Variants in LRP1B observed in about 807,000 individuals in gnomAD.
The protein encoded by LRP1B is low-density lipoprotein receptor-related protein 1B.
A neutral mutation model predicts 556.6 loss-of-function variants in LRP1B; 217 were observed. The observed-to-expected ratio is 0.39, with a 90% CI of 0.35 to 0.44. The LOEUF (loss-of-function observed/expected upper bound fraction) is 0.44, where lower values mean the gene tolerates loss of function less well. Among genes scored for constraint, LRP1B ranks in the 20% least tolerant of loss-of-function variants. LRP1B has a pLI of 1.00. For synonymous variants in LRP1B, 2,047 were observed against 1,865.8 expected, an observed-to-expected ratio of 1.10 and a Z score of -2.50; for missense variants, 5,053 against 5,620.8, an observed-to-expected ratio of 0.90 and a Z score of 3.23.
At chr2:141,116,006 G>A (rs1003922479) in intron 7 of LRP1B, among the ~76,000 whole-genome samples, 1 of 152,076 alleles carries the variant, frequency 6.6e-6, no homozygotes, top group South Asian at 2.1e-4. Context: ...TTCTGATCAT[G>A]ACACCAAAAA....
intron 58 of LRP1B, among the ~76,000 whole-genome samples, chr2:140,487,377 A>C (rs1688512611): frequency 6.6e-6 from 1 of 151,974 alleles, no homozygotes; most frequent in East Asian, 1.9e-4. Flanking sequence ...ATAAGGTTCC[A>C]TATTTTATTT....
At chr2:140,535,895 C>G (rs6751750) in intron 46 of LRP1B, among the ~76,000 whole-genome samples, 52,596 of 151,886 alleles carry the variant, frequency 0.35, 10,111 homozygotes, top group South Asian at 0.43. Flanking sequence ...TGGACCATGC[C>G]TAAGGCAATG....
At position 141,062,144 on chromosome 2, in the gene LRP1B, G is replaced by T. The variant is rs1298887941; in HGVS notation, c.1143C>A (p.Asn381Lys). 5 of 1,611,950 alleles carry T rather than the reference G, an allele frequency of 3.1e-6. No homozygotes were observed. Among genetic ancestry groups the T allele is most frequent in the Non-Finnish European group, 4.2e-6 (5 of 1,178,738 alleles). ...QPAALALDLV[N>K]KLVYWVDLYL... ...AAAGATCTACCCAGTAAACCAATTTGTTGACTAGGTCTAGTGCCAGTGCAG... is the reference window on the plus strand; with the variant it reads ...AAAGATCTACCCAGTAAACCAATTTTTTGACTAGGTCTAGTGCCAGTGCAG... The change falls in exon 8 of 91, where the codon AAC becomes AAA. Residue 381 changes from asparagine to lysine, a missense_variant. This residue lies in a region of LRP1B where 3,619 missense variants were observed against 3,931.9 expected (regional missense o/e 0.92). Coordinates refer to ENST00000389484, the MANE Select transcript of LRP1B (RefSeq NM_018557.3).
chr2:140,495,377 A>G (rs1198804252), intron 56 of LRP1B, among the ~76,000 whole-genome samples, 188 bp downstream of exon 56: 2 of 151,196 alleles, frequency 1.3e-5, no homozygotes, highest in Non-Finnish European at 2.9e-5. Context: ...TCACAAGGCC[A>G]TAAGGCAATG....
chr2:141,795,282 A>C (rs1695764900), intron 2 of LRP1B, among the ~76,000 whole-genome samples: 1 of 152,040 alleles, frequency 6.6e-6, no homozygotes, highest in African/African-American at 2.4e-5. Flanking sequence ...GCTGATCATA[A>C]TCTCCTAGTC....
intron 3 of LRP1B, among the ~76,000 whole-genome samples, chr2:141,446,833 C>T (rs1428600437): frequency 6.6e-6 from 1 of 152,114 alleles, no homozygotes; most frequent in Non-Finnish European, 1.5e-5. Context: ...TTCTCACTGG[C>T]TGCCTTTAAT....
Position 141,533,050 on chromosome 2 carries a change from C to T in LRP1B, c.206-52517G>A, listed in dbSNP as rs773487887. Among the ~76,000 whole-genome samples, 3 of 152,060 alleles carry T rather than the reference C, an allele frequency of 2.0e-5. 1 individual carries two copies. Among genetic ancestry groups the T allele is most frequent in the East Asian group, 3.9e-4 (2 of 5,170 alleles). Reference sequence around the variant, plus strand: ...GTATATCCAAAGATAGGTCATATTACGTTCACCTCAATGCCTGAACCAATT... The same window carrying T: ...GTATATCCAAAGATAGGTCATATTATGTTCACCTCAATGCCTGAACCAATT... On this transcript the variant is annotated intron_variant, in intron 2 of 90. Transcript: ENST00000389484.
At chr2:140,852,849 G>C (rs893510296) in intron 27 of LRP1B, among the ~76,000 whole-genome samples, 1 of 151,642 alleles carries the variant, frequency 6.6e-6, no homozygotes, top group African/African-American at 2.4e-5. Context: ...ATGTCTTTTG[G>C]ATAAGATTTT....
intron 1 of LRP1B, among the ~76,000 whole-genome samples, chr2:142,064,055 C>T (rs1473146121): frequency 6.6e-6 from 1 of 151,398 alleles, no homozygotes; most frequent in Non-Finnish European, 1.5e-5. Context: ...GACAAGAATG[C>T]TTTGAAGAAA....
intron 7 of LRP1B, among the ~76,000 whole-genome samples, chr2:141,123,196 C>G (rs1324651669): frequency 6.9e-6 from 1 of 145,490 alleles, no homozygotes; most frequent in African/African-American, 2.6e-5. Flanking sequence ...ACATATGTAA[C>G]AAATCTGCAC....
At chr2:140,750,244 A>T (rs931140060) in intron 35 of LRP1B, among the ~76,000 whole-genome samples, 1 of 152,174 alleles carries the variant, frequency 6.6e-6, no homozygotes, top group Non-Finnish European at 1.5e-5. Context: ...TCCAGTGGTC[A>T]TCAGAAGTCT....
At chr2:142,124,472 C>T (rs1707568062) in intron 1 of LRP1B, among the ~76,000 whole-genome samples, 2 of 151,568 alleles carry the variant, frequency 1.3e-5, no homozygotes, top group South Asian at 2.1e-4. Flanking sequence ...GAATGATTTC[C>T]ACTATATATA....
chr2:140,654,318 C>T (rs1409604911), intron 41 of LRP1B, among the ~76,000 whole-genome samples: 1 of 152,066 alleles, frequency 6.6e-6, no homozygotes. Flanking sequence ...TTGAAAACAT[C>T]TTACTATTGT....
intron 2 of LRP1B, among the ~76,000 whole-genome samples, chr2:141,611,173 T>C (rs969597208): frequency 1.3e-5 from 2 of 152,172 alleles, no homozygotes; most frequent in Non-Finnish European, 2.9e-5. Flanking sequence ...TGGTTTCCCA[T>C]AGTTAAAGGA....
At chr2:140,436,429 C>T (rs1686182228) in intron 66 of LRP1B, among the ~76,000 whole-genome samples, 2 of 152,206 alleles carry the variant, frequency 1.3e-5, no homozygotes, top group African/African-American at 2.4e-5. Flanking sequence ...ACCAGTCACA[C>T]ATACATACCA....
chr2:142,010,554 CAAAAA>C (rs33927334), intron 1 of LRP1B, among the ~76,000 whole-genome samples: 1 of 60,248 alleles, frequency 1.7e-5, no homozygotes, highest in African/African-American at 6.5e-5. Context: ...GATTCTGTCT[CAAAAA>C]AAAAAAAAAA....
intron 43 of LRP1B, among the ~76,000 whole-genome samples, chr2:140,555,203 T>C (rs1212695954): frequency 6.7e-6 from 1 of 148,468 alleles, no homozygotes; most frequent in Non-Finnish European, 1.5e-5. Flanking sequence ...ATCTTTCAAA[T>C]TGAGATTCAC....
chr2:141,115,582 G>A (rs561060658), intron 7 of LRP1B, among the ~76,000 whole-genome samples: 3 of 150,352 alleles, frequency 2.0e-5, no homozygotes, highest in East Asian at 2.0e-4. Context: ...TCAGCCTACC[G>A]AGTAGCTGGG....
At chr2:142,012,885 C>G (rs1702999020) in intron 1 of LRP1B, among the ~76,000 whole-genome samples, 1 of 152,052 alleles carries the variant, frequency 6.6e-6, no homozygotes, top group Admixed American at 6.5e-5. Flanking sequence ...TCTCTAATTC[C>G]TCTAGGCTTT....
Sources: allele counts gnomAD v4.1 joint callset (sites outside exome capture counted in the v4.1 genomes callset), GRCh38; gene constraint gnomAD v4.1.1; regional missense constraint gnomAD v4.1.1; transcripts MANE v1.5; gene names NCBI Gene and HGNC (gene_info 2026-07-23, HGNC 2026-07-21).